The following DDIAS variants were observed in gnomAD, a reference collection of about 807,000 sequenced individuals.
The protein encoded by DDIAS is DNA damage-induced apoptosis suppressor protein.
DDIAS carries 14 observed loss-of-function variants against 15.7 expected under a neutral mutation model. The ratio of observed to expected loss-of-function variants is 0.89; its 90% confidence interval spans 0.59 to 1.39. The LOEUF (loss-of-function observed/expected upper bound fraction) is 1.39, where lower values mean the gene tolerates loss of function less well. Among genes scored for constraint, DDIAS ranks in the 40% most tolerant of loss-of-function variants. DDIAS has a pLI of 0.00. For synonymous variants in DDIAS, 355 were observed against 395.9 expected (o/e 0.90, Z 1.23); for missense variants, 1,035 against 1,130.9 (o/e 0.92, Z 1.22).
Position 82,932,392 on chromosome 11 carries a change from A to C in DDIAS, c.1054A>C (p.Asn352His). 7 of 1,614,064 alleles carry C rather than the reference A, an allele frequency of 4.3e-6. No homozygotes were observed. Among genetic ancestry groups the C allele is most frequent in the Non-Finnish European group, 5.9e-6 (7 of 1,179,952 alleles). Residue 352 changes from asparagine (N) to histidine (H), a missense_variant, in exon 6 of 6, where the codon AAT becomes CAT. Coordinates refer to ENST00000533655, the MANE Select transcript of DDIAS (RefSeq NM_145018.4). ...AATGCGAGAGCCCCTTGAGTCAAGTAATACAAAATCCTTCCACAGTGCAGT... is the reference window on the plus strand; with the variant it reads ...AATGCGAGAGCCCCTTGAGTCAAGTCATACAAAATCCTTCCACAGTGCAGT... Reference protein sequence around the residue: ...LEMREPLESSNTKSFHSAVEI... With the variant: ...LEMREPLESSHTKSFHSAVEI...
intron 3 of DDIAS, among the ~76,000 whole-genome samples, chr11:82,921,429 GT>G (rs905793060): frequency 2.0e-5 from 3 of 151,230 alleles, no homozygotes; most frequent in Admixed American, 6.6e-5. Context: ...TGTGTACCTT[GT>G]TTTTTTTGTT....
chr11:82,933,452 G>A lies in DDIAS; in HGVS notation c.2114G>A (p.Gly705Glu). ...KKSQDILLKW[G>E]TSLAESHPSE... ...TCACAGGATATTTTGTTAAAATGGGGAACATCTTTGGCAGAAAGTCACCCT... is the reference window on the plus strand; with the variant it reads ...TCACAGGATATTTTGTTAAAATGGGAAACATCTTTGGCAGAAAGTCACCCT... The change falls in exon 6 of 6, where the codon GGA (glycine) becomes GAA (glutamate). Residue 705 changes from glycine (G) to glutamate (E), a missense_variant. Transcript: ENST00000533655. The A allele has an allele frequency of 1.9e-6, 3 of 1,613,826 alleles. No homozygotes were observed. Among genetic ancestry groups the A allele is most frequent in the Non-Finnish European group, 2.5e-6 (3 of 1,179,950 alleles).
chr11:82,918,579 A>C (rs1044787532), intron 3 of DDIAS, among the ~76,000 whole-genome samples: 1 of 152,188 alleles, frequency 6.6e-6, no homozygotes, highest in African/African-American at 2.4e-5. Context: ...TTGGTTCCAT[A>C]TGCATTTTAA....
intron 2 of DDIAS, chr11:82,913,934 A>G (rs932126710): frequency 6.8e-6 from 3 of 442,444 alleles, no homozygotes; most frequent in Non-Finnish European, 1.3e-5. Context: ...ATTTTATACA[A>G]TACTTTTTTT....
intron 3 of DDIAS, among the ~76,000 whole-genome samples, chr11:82,925,329 G>A (rs1860836923): frequency 6.6e-6 from 1 of 152,082 alleles, no homozygotes; most frequent in Non-Finnish European, 1.5e-5. Flanking sequence ...AGGTGTGATG[G>A]CTCACGCCTG....
intron 4 of DDIAS, 25 bp from the exon 5 acceptor site, chr11:82,930,132 A>AT: frequency 1.4e-6 from 2 of 1,390,418 alleles, no homozygotes; most frequent in Non-Finnish European, 2.0e-6. Context: ...ATTGCTTCAC[A>AT]TTTTTTACTT....
At chr11:82,912,257 T>G (rs1248279421) in intron 1 of DDIAS, among the ~76,000 whole-genome samples, 1 of 152,210 alleles carries the variant, frequency 6.6e-6, no homozygotes, top group African/African-American at 2.4e-5. Flanking sequence ...GATGTCATTT[T>G]CCTCCCATAT....
rs559104479 is a variant in DDIAS, at chr11:82,932,352, T to C, written c.1014T>C (p.Asn338=). 1 of 1,614,038 alleles carries C rather than the reference T, an allele frequency of 6.2e-7. No individual in the cohort carries two copies. Among genetic ancestry groups the C allele is most frequent in the East Asian group, 2.2e-5 (1 of 44,876 alleles). The change falls in exon 6 of 6, where the codon AAT becomes AAC. Residue 338 remains asparagine, a synonymous_variant. Transcript: ENST00000533655. ...SHHEIGVNDS[N]LFSLEMREPL... is the part of the protein sequence containing the mutation. ...ATGAAATTGGAGTTAATGACTCTAA[T>C]TTATTCTCTTTGGAAATGCGAGAGC... is the stretch of plus-strand genomic sequence containing the variant.
In DDIAS at chr11:82,930,151, A is replaced by G. The variant is rs774277605; in HGVS notation, c.276-6A>G. On this transcript the variant is annotated splice_region_variant and splice_polypyrimidine_tract_variant and intron_variant, in intron 4 of 5. Coordinates refer to ENST00000533655, the MANE Select transcript of DDIAS (RefSeq NM_145018.4). ...CTTCACATTTTTTACTTTTTTTCCAATCAAGGTACATTCAGGATCCTAATA... is the reference window on the plus strand; with the variant it reads ...CTTCACATTTTTTACTTTTTTTCCAGTCAAGGTACATTCAGGATCCTAATA... 5 of 1,502,222 alleles carry G rather than the reference A, an allele frequency of 3.3e-6. No individual in the cohort carries two copies. The highest frequency in any genetic ancestry group is 2.1e-5 in the Admixed American group (1 of 48,422). 93.1% of individuals were successfully genotyped at this position (1,502,222 alleles called of 1,614,324 possible).
rs1195459061 is a variant in DDIAS, at chr11:82,932,656, G to A, written c.1318G>A (p.Val440Ile). Reference protein sequence around the residue: ...ESEIAVTQADVSSRKHHVDND... With the variant: ...ESEIAVTQADISSRKHHVDND... ...TGAGATTGCTGTAACCCAGGCAGAT[G>A]TCAGTAGTAGGAAACATCATGTAGA... Residue 440 changes from valine (V) to isoleucine (I), a missense_variant, in exon 6 of 6, where the codon GTC becomes ATC. By Grantham distance (29) the Val-to-Ile change is conservative (BLOSUM62 3). Transcript: ENST00000533655. The A allele has an allele frequency of 6.2e-7, 1 of 1,614,064 alleles. No individual in the cohort carries two copies. The highest frequency in any genetic ancestry group is 8.5e-7 in the Non-Finnish European group (1 of 1,180,052).
chr11:82,930,008 A>G, intron 4 of DDIAS, 149 bp from the exon 5 acceptor site: 2 of 549,072 alleles, frequency 3.6e-6, no homozygotes, highest in South Asian at 5.1e-5. Flanking sequence ...GAGAAACTAG[A>G]GAGAACAAAC....
At chr11:82,922,548 T>C (rs949953716) in intron 3 of DDIAS, 14 of 152,334 alleles carry the variant, frequency 9.2e-5, no homozygotes, top group Admixed American at 2.6e-4. Context: ...GTGTGTCCAG[T>C]GTTTCCTGAA....
At chr11:82,904,479 C>A (rs2121309461) in intron 1 of DDIAS, among the ~76,000 whole-genome samples, 1 of 152,272 alleles carries the variant, frequency 6.6e-6, no homozygotes, top group South Asian at 2.1e-4. Context: ...GCAAAATCAT[C>A]CAAATGAGAC....
intron 1 of DDIAS, among the ~76,000 whole-genome samples, chr11:82,909,586 T>C (rs1257628525): frequency 1.3e-5 from 2 of 152,224 alleles, no homozygotes; most frequent in Non-Finnish European, 2.9e-5. Context: ...AATTTTGTCT[T>C]TTGACAGTTG....
chr11:82,925,642 G>A (rs926501663), intron 3 of DDIAS, among the ~76,000 whole-genome samples: 2 of 151,866 alleles, frequency 1.3e-5, no homozygotes, highest in African/African-American at 4.8e-5. Flanking sequence ...AGATAAACAA[G>A]TTCTATGGAT....
intron 1 of DDIAS, among the ~76,000 whole-genome samples, chr11:82,907,620 GC>G: frequency 6.6e-6 from 1 of 152,306 alleles, no homozygotes; most frequent in Admixed American, 6.5e-5. Context: ...GCGCACTGCA[GC>G]CTCAATCTCC....
intron 3 of DDIAS, among the ~76,000 whole-genome samples, chr11:82,918,009 A>C (rs1368021348): frequency 1.3e-5 from 2 of 151,772 alleles, no homozygotes; most frequent in African/African-American, 2.4e-5. Flanking sequence ...GATTTGTTTG[A>C]GTTCGTTGTA....
At position 82,932,173 on chromosome 11, in the gene DDIAS, A is replaced by T; in HGVS notation, c.835A>T (p.Ile279Phe). ...TCAGCAGAACAGAAAGTCCATCTCC[A>T]TTGCAGAGGCCACTGGTTCCAGTAG... ...TLQQNRKSIS[I>F]AEATGSSSCH... is the part of the protein sequence containing the mutation. Residue 279 changes from isoleucine (I) to phenylalanine (F), a missense_variant, in exon 6 of 6, where the codon ATT (isoleucine) becomes TTT (phenylalanine). Ile to Phe is a conservative substitution (Grantham distance 21). Transcript: ENST00000533655. 1 of 1,614,184 alleles carries T rather than the reference A, an allele frequency of 6.2e-7. No homozygotes were observed. Among genetic ancestry groups the T allele is most frequent in the Non-Finnish European group, 8.5e-7 (1 of 1,180,034 alleles).
At chr11:82,913,911 T>C (rs1363149062) in intron 2 of DDIAS, 3 of 440,024 alleles carry the variant, frequency 6.8e-6, no homozygotes, top group Non-Finnish European at 1.3e-5. Context: ...CTTATACACA[T>C]AGTCTGAAGG....
Sources: allele counts gnomAD v4.1 joint callset (sites outside exome capture counted in the v4.1 genomes callset), GRCh38; gene constraint gnomAD v4.1.1; transcripts MANE v1.5; gene names NCBI Gene and HGNC (gene_info 2026-07-23, HGNC 2026-07-21).